The following RORB variants were observed in gnomAD, a reference collection of about 807,000 sequenced individuals.
RORB encodes nuclear receptor ROR-beta.
A neutral mutation model predicts 59.1 loss-of-function variants in RORB; 6 were observed. The observed-to-expected ratio is 0.10, with a 90% CI of 0.06 to 0.20. The LOEUF (loss-of-function observed/expected upper bound fraction) is 0.20. Ranked by LOEUF, RORB falls within the 10% of genes least tolerant of loss-of-function variation. The probability of loss-of-function intolerance (pLI) is 1.00; values close to 1 mark genes in which losing one functional copy is unlikely to be tolerated. For synonymous variants in RORB, 215 were observed against 204.5 expected, an observed-to-expected ratio of 1.05 and a Z score of -0.44; for missense variants, 320 against 560.5, an observed-to-expected ratio of 0.57 and a Z score of 4.33.
At chr9:74,562,020 A>G (rs539456494) in intron 1 of RORB, among the ~76,000 whole-genome samples, 252 of 152,298 alleles carry the variant, frequency 1.7e-3, no homozygotes, top group Non-Finnish European at 2.7e-3. Flanking sequence ...TATCATAAAA[A>G]CATTGTATCC....
intron 1 of RORB, among the ~76,000 whole-genome samples, chr9:74,519,246 C>G (rs889662964): frequency 2.4e-4 from 37 of 151,962 alleles, no homozygotes; most frequent in Non-Finnish European, 4.6e-4. Flanking sequence ...ACCTACTGCA[C>G]AATTTTGCTG....
intron 1 of RORB, among the ~76,000 whole-genome samples, chr9:74,605,237 A>G (rs1242688774): frequency 6.6e-6 from 1 of 152,240 alleles, no homozygotes; most frequent in African/African-American, 2.4e-5. Flanking sequence ...GTCTATGATT[A>G]AAAGGTAGAA....
At chr9:74,622,515 C>T (rs1037915690) in intron 1 of RORB, among the ~76,000 whole-genome samples, 3 of 134,228 alleles carry the variant, frequency 2.2e-5, no homozygotes, top group African/African-American at 8.2e-5. Flanking sequence ...CTGTTACAAC[C>T]CAGATTTTTT....
At chr9:74,563,648 G>T (rs2118199006) in intron 1 of RORB, among the ~76,000 whole-genome samples, 2 of 152,322 alleles carry the variant, frequency 1.3e-5, no homozygotes, top group Middle Eastern at 3.4e-3. Flanking sequence ...ACAGTGATGT[G>T]TCTCGAAGAG....
At position 74,604,575 on chromosome 9, in the gene RORB, T is replaced by G. The variant is rs1563950333; in HGVS notation, c.8-25707T>G. Among the ~76,000 whole-genome samples, 3 of 152,212 alleles carry G rather than the reference T, an allele frequency of 2.0e-5. No individual in the cohort carries two copies. In the South Asian group the frequency reaches 6.2e-4, roughly 32 times the overall value. On this transcript the variant is annotated intron_variant, in intron 1 of 9. Transcript: ENST00000376896. ...TCTTTAGCCGTTGGGATACAGCTCT[T>G]AATTTTCAACCATAAGATAATAATT...
intron 1 of RORB, among the ~76,000 whole-genome samples, chr9:74,623,305 G>A (rs991615157): frequency 6.6e-6 from 1 of 152,162 alleles, no homozygotes; most frequent in Non-Finnish European, 1.5e-5. Flanking sequence ...GAAAATGTGG[G>A]TGCAGGTAAC....
chr9:74,580,179 C>T (rs926772369), intron 1 of RORB, among the ~76,000 whole-genome samples: 5 of 151,924 alleles, frequency 3.3e-5, no homozygotes, highest in East Asian at 1.9e-4. Flanking sequence ...TGGTGACGAC[C>T]GTATTTAGCA....
intron 1 of RORB, among the ~76,000 whole-genome samples, chr9:74,540,066 G>T (rs78192033): frequency 6.6e-6 from 1 of 151,984 alleles, no homozygotes; most frequent in East Asian, 1.9e-4. Flanking sequence ...TACAACCTTC[G>T]CACCTTTGCA....
At chr9:74,538,403 C>A (rs1258366515) in intron 1 of RORB, among the ~76,000 whole-genome samples, 3 of 152,010 alleles carry the variant, frequency 2.0e-5, no homozygotes, top group Non-Finnish European at 2.9e-5. Context: ...CCACTGTTCA[C>A]CACCTCAGTT....
chr9:74,652,386 G>C (rs1329788875), intron 4 of RORB, among the ~76,000 whole-genome samples: 1 of 152,102 alleles, frequency 6.6e-6, no homozygotes. Context: ...CCAGCTGGGC[G>C]ACAGATCAAG....
intron 3 of RORB, among the ~76,000 whole-genome samples, chr9:74,641,944 A>G (rs1293042947): frequency 6.6e-6 from 1 of 152,126 alleles, no homozygotes; most frequent in Non-Finnish European, 1.5e-5. Context: ...AAGAAATTTG[A>G]GAAAGAAAAC....
intron 1 of RORB, among the ~76,000 whole-genome samples, chr9:74,515,725 T>C (rs1424385906): frequency 2.0e-5 from 3 of 151,976 alleles, no homozygotes; most frequent in Non-Finnish European, 4.4e-5. Flanking sequence ...AGATGCAAAT[T>C]GTTAAGTAAG....
intron 1 of RORB, among the ~76,000 whole-genome samples, chr9:74,570,063 T>C (rs1024423319): frequency 1.8e-4 from 28 of 152,110 alleles, no homozygotes; most frequent in Non-Finnish European, 2.9e-4. Flanking sequence ...AATCTTATAA[T>C]ACTAAAATTC....
intron 6 of RORB, 49 bp from the exon 7 acceptor site, chr9:74,665,439 T>C (rs529052799): frequency 8.8e-7 from 1 of 1,133,982 alleles, no homozygotes; most frequent in Non-Finnish European, 1.3e-6. Context: ...TATTATTGGA[T>C]ATATATGTGT....
intron 1 of RORB, among the ~76,000 whole-genome samples, chr9:74,601,994 G>T (rs1021983981): frequency 6.6e-6 from 1 of 152,136 alleles, no homozygotes; most frequent in Non-Finnish European, 1.5e-5. Context: ...TCAGCAGAAC[G>T]GTGTGCTGGC....
chr9:74,637,422 G>T (rs1031884536), intron 3 of RORB, among the ~76,000 whole-genome samples: 15 of 152,112 alleles, frequency 9.9e-5, no homozygotes, highest in Non-Finnish European at 2.2e-4. Flanking sequence ...TAATGAATTT[G>T]TTCAAATTTA....
At chr9:74,505,724 T>C (rs1825861920) in intron 1 of RORB, among the ~76,000 whole-genome samples, 1 of 152,116 alleles carries the variant, frequency 6.6e-6, no homozygotes, top group Non-Finnish European at 1.5e-5. Context: ...AAATTACTGT[T>C]AGTTGTACTC....
Position 74,497,986 on chromosome 9 carries a change from A to G in RORB, c.7+3A>G. The G allele has an allele frequency of 6.2e-7, 1 of 1,611,290 alleles. No homozygotes were observed. Among genetic ancestry groups the G allele is most frequent in the Non-Finnish European group, 8.5e-7 (1 of 1,179,592 alleles). Reference sequence around the variant, plus strand: ...GGAGAGCGGCCACACCATGCGAGGTAAGCGAGTCTGCGGGCACCGAGGCTC... The same window carrying G: ...GGAGAGCGGCCACACCATGCGAGGTGAGCGAGTCTGCGGGCACCGAGGCTC... On this transcript the variant is annotated splice_donor_region_variant and intron_variant, in intron 1 of 9. Transcript: ENST00000376896.
At chr9:74,530,251 A>T (rs1484841300) in intron 1 of RORB, among the ~76,000 whole-genome samples, 5 of 152,006 alleles carry the variant, frequency 3.3e-5, no homozygotes, top group African/African-American at 1.2e-4. Flanking sequence ...TTGGTCGTTG[A>T]CTGAAAATTC....
Sources: allele counts gnomAD v4.1 joint callset (sites outside exome capture counted in the v4.1 genomes callset), GRCh38; gene constraint gnomAD v4.1.1; transcripts MANE v1.5; gene names NCBI Gene and HGNC (gene_info 2026-07-23, HGNC 2026-07-21).